Variants in CADPS2 observed in about 807,000 individuals in gnomAD.
CADPS2 encodes calcium dependent secretion activator 2, also known as calcium-dependent secretion activator 2.
CADPS2 carries 93 observed loss-of-function variants against 172.5 expected under a neutral mutation model. That is an observed-to-expected ratio of 0.54 (90% confidence interval 0.46 to 0.64). The LOEUF (loss-of-function observed/expected upper bound fraction) is 0.64, where lower values mean the gene tolerates loss of function less well. Among genes scored for constraint, CADPS2 ranks in the 30% least tolerant of loss-of-function variants. The pLI is 0.00. For synonymous variants in CADPS2, 546 were observed against 555.2 expected, an observed-to-expected ratio of 0.98 and a Z score of 0.23; for missense variants, 1,420 against 1,565.9, an observed-to-expected ratio of 0.91 and a Z score of 1.57.
At chr7:122,443,045 C>T (rs1193788082) in intron 15 of CADPS2, among the ~76,000 whole-genome samples, 2 of 152,148 alleles carry the variant, frequency 1.3e-5, no homozygotes, top group Admixed American at 6.6e-5. Context: ...TAGTCCCCTC[C>T]CCCTGCTTAA....
At chr7:122,756,375 A>C (rs1288063031) in intron 1 of CADPS2, among the ~76,000 whole-genome samples, 1 of 152,194 alleles carries the variant, frequency 6.6e-6, no homozygotes, top group Non-Finnish European at 1.5e-5. Flanking sequence ...TTGATATGAG[A>C]AGGTTCAATT....
chr7:122,708,460 G>GTA (rs1204467727), intron 2 of CADPS2, among the ~76,000 whole-genome samples: 14 of 28,972 alleles, frequency 4.8e-4, no homozygotes, highest in Non-Finnish European at 1.1e-3. Flanking sequence ...ATATGTGTGT[G>GTA]GATATATATA....
chr7:122,648,419 AC>A (rs1230547441), intron 3 of CADPS2, among the ~76,000 whole-genome samples: 1 of 152,168 alleles, frequency 6.6e-6, no homozygotes, highest in Non-Finnish European at 1.5e-5. Flanking sequence ...CTCGACATGG[AC>A]AATCAATATT....
At position 122,600,896 on chromosome 7, in the gene CADPS2, T is replaced by C. The variant is rs2072664325; in HGVS notation, c.1223+14285A>G. Among the ~76,000 whole-genome samples, 3 of 152,200 alleles carry C rather than the reference T, an allele frequency of 2.0e-5. No individual in the cohort carries two copies. The South Asian group carries it at 6.2e-4, about 32-fold the overall frequency. On this transcript the variant is annotated intron_variant, in intron 6 of 29. Transcript: ENST00000449022. The stretch of plus-strand genomic sequence containing the variant: ...CACATATAAAACAAATAACTGGATG[T>C]GAACATTTTGGGTTTTCAGAGGGAA...
intron 1 of CADPS2, among the ~76,000 whole-genome samples, chr7:122,740,447 A>G (rs37912): frequency 0.041 from 6,191 of 152,230 alleles, 421 homozygotes; most frequent in African/African-American, 0.14. Context: ...AGCAGCCAAT[A>G]TAAAAAGGCT....
intron 8 of CADPS2, among the ~76,000 whole-genome samples, chr7:122,531,141 GT>G (rs2061717896): frequency 6.6e-6 from 1 of 152,202 alleles, no homozygotes; most frequent in South Asian, 2.1e-4. Flanking sequence ...AGCTGTACTG[GT>G]AGTTTATTAT....
intron 27 of CADPS2, among the ~76,000 whole-genome samples, chr7:122,360,433 A>G (rs546641232): frequency 1.3e-5 from 2 of 152,330 alleles, no homozygotes; most frequent in Admixed American, 1.3e-4. Context: ...TCTACCTTCT[A>G]TAAGAAACCC....
chr7:122,686,517 C>T lies in CADPS2; in HGVS notation c.454-22948G>A, dbSNP rs146057378. 3.0e-3 allele frequency among the ~76,000 whole-genome samples: 459 copies of T among 152,296 alleles called. 2 individuals are homozygous for T. The highest frequency in any genetic ancestry group is 5.3e-3 in the Non-Finnish European group (362 of 68,016). On this transcript the variant is annotated intron_variant, in intron 2 of 29. Coordinates refer to ENST00000449022, the MANE Select transcript of CADPS2 (RefSeq NM_017954.11). ...CTGGAGGACTTGGTGAACCAGATTG[C>T]TGCCCCCTCCTCAAGTTTCTGTAAA...
At chr7:122,777,154 A>T (rs539731631) in intron 1 of CADPS2, among the ~76,000 whole-genome samples, 3 of 152,284 alleles carry the variant, frequency 2.0e-5, no homozygotes, top group African/African-American at 7.2e-5. Context: ...CTGTCTAAAA[A>T]AATAATAATA....
chr7:122,406,877 T>C (rs2046710860), intron 20 of CADPS2, among the ~76,000 whole-genome samples: 1 of 152,038 alleles, frequency 6.6e-6, no homozygotes, highest in African/African-American at 2.4e-5. Context: ...TAAATGAAAC[T>C]TAAAAAAGCA....
At chr7:122,548,228 T>G (rs1379025158) in intron 8 of CADPS2, among the ~76,000 whole-genome samples, 1 of 151,546 alleles carries the variant, frequency 6.6e-6, no homozygotes, top group Non-Finnish European at 1.5e-5. Context: ...AAAAAACTAG[T>G]CAGGTATGGT....
At chr7:122,517,965 T>A (rs2060500235) in intron 8 of CADPS2, among the ~76,000 whole-genome samples, 2 of 151,974 alleles carry the variant, frequency 1.3e-5, no homozygotes, top group Non-Finnish European at 2.9e-5. Flanking sequence ...TACTATTCTT[T>A]GTTGTTGTTG....
chr7:122,362,100 C>CA (rs1188354705), intron 25 of CADPS2, among the ~76,000 whole-genome samples: 2 of 151,670 alleles, frequency 1.3e-5, no homozygotes, highest in South Asian at 2.1e-4. Flanking sequence ...AACAAAAAAC[C>CA]AAAAAACAAA....
At chr7:122,567,423 T>A (rs1233853363) in intron 7 of CADPS2, among the ~76,000 whole-genome samples, 1 of 152,186 alleles carries the variant, frequency 6.6e-6, no homozygotes, top group East Asian at 1.9e-4. Context: ...AGCATCGACT[T>A]TGGTGTGATG....
At chr7:122,661,909 T>C (rs982469160) in intron 3 of CADPS2, among the ~76,000 whole-genome samples, 3 of 152,222 alleles carry the variant, frequency 2.0e-5, no homozygotes, top group African/African-American at 4.8e-5. Flanking sequence ...GTTGAAGTTA[T>C]CTTTCAAATA....
At chr7:122,745,377 C>G (rs904851770) in intron 1 of CADPS2, among the ~76,000 whole-genome samples, 4 of 151,816 alleles carry the variant, frequency 2.6e-5, no homozygotes, top group Non-Finnish European at 4.4e-5. Flanking sequence ...AACCTCGCAT[C>G]TAGTAAGAGA....
At chr7:122,470,790 G>A (rs777805974) in intron 14 of CADPS2, among the ~76,000 whole-genome samples, 3 of 152,030 alleles carry the variant, frequency 2.0e-5, no homozygotes, top group Non-Finnish European at 4.4e-5. Flanking sequence ...GCCACCACAC[G>A]CGGCATGATA....
At chr7:122,658,206 G>C (rs1317819121) in intron 3 of CADPS2, among the ~76,000 whole-genome samples, 6 of 152,144 alleles carry the variant, frequency 3.9e-5, no homozygotes, top group Non-Finnish European at 8.8e-5. Flanking sequence ...TCTCACACCA[G>C]TTAGAATGGC....
At chr7:122,857,814 G>A (rs1815733911) in intron 1 of CADPS2, among the ~76,000 whole-genome samples, 1 of 152,168 alleles carries the variant, frequency 6.6e-6, no homozygotes, top group Non-Finnish European at 1.5e-5. Context: ...TTCTCAGTGA[G>A]TGTTACAGTT....
Sources: allele counts gnomAD v4.1 joint callset (sites outside exome capture counted in the v4.1 genomes callset), GRCh38; gene constraint gnomAD v4.1.1; transcripts MANE v1.5; gene names NCBI Gene and HGNC (gene_info 2026-07-23, HGNC 2026-07-21).